The following PAX3 variants were observed in gnomAD, a reference collection of about 807,000 sequenced individuals.
PAX3 encodes the protein paired box 3.
Under a neutral mutation model 51.6 loss-of-function variants are expected in PAX3, and 14 were observed. That is an observed-to-expected ratio of 0.27 (90% CI 0.18 to 0.42). The LOEUF is 0.42. PAX3 is among the 10% of genes least tolerant of loss of function. The pLI, the probability that PAX3 is intolerant of heterozygous loss-of-function variation, is 1.00. For missense variants in PAX3, 540 were observed against 642.8 expected (o/e 0.84, Z 1.73); for synonymous variants, 280 against 253.4 (o/e 1.11, Z -1.00).
At chr2:222,202,404 G>A (rs1207614406) in intron 7 of PAX3, among the ~76,000 whole-genome samples, 2 of 151,974 alleles carry the variant, frequency 1.3e-5, no homozygotes, top group Non-Finnish European at 2.9e-5. Flanking sequence ...AAGGAAAGGG[G>A]GAGGGAGAAG....
chr2:222,245,160 A>G (rs1473206722), intron 4 of PAX3, among the ~76,000 whole-genome samples: 1 of 152,222 alleles, frequency 6.6e-6, no homozygotes, highest in African/African-American at 2.4e-5. Flanking sequence ...AAAGAAAAAG[A>G]AAAGAAATAG....
intron 4 of PAX3, among the ~76,000 whole-genome samples, chr2:222,260,742 C>A (rs533707702): frequency 4.0e-5 from 6 of 151,644 alleles, no homozygotes; most frequent in African/African-American, 9.7e-5. Context: ...AGGTGTGAAC[C>A]CCCATGCCCG....
At chr2:222,247,057 CCTT>C (rs1365930356) in intron 4 of PAX3, among the ~76,000 whole-genome samples, 1 of 152,196 alleles carries the variant, frequency 6.6e-6, no homozygotes, top group East Asian at 1.9e-4. Context: ...ATACATCTCT[CCTT>C]CTATTCTCAC....
chr2:222,264,351 T>C (rs1473182955), intron 4 of PAX3: 2 of 152,114 alleles, frequency 1.3e-5, no homozygotes, highest in Non-Finnish European at 2.9e-5. Context: ...GTTAAATCCA[T>C]AGAGATAAAA....
At chr2:222,286,809 G>A (rs1167673905) in intron 4 of PAX3, among the ~76,000 whole-genome samples, 1 of 152,080 alleles carries the variant, frequency 6.6e-6, no homozygotes, top group Non-Finnish European at 1.5e-5. Flanking sequence ...AAGGAAAGAA[G>A]GAAAAGAAGA....
chr2:222,275,258 T>C (rs1038720903), intron 4 of PAX3, among the ~76,000 whole-genome samples: 2 of 152,202 alleles, frequency 1.3e-5, no homozygotes, highest in Non-Finnish European at 2.9e-5. Flanking sequence ...TTTTATAATG[T>C]TTGGCTTCTA....
chr2:222,290,974 G>C (rs1342506871), intron 4 of PAX3, among the ~76,000 whole-genome samples: 1 of 151,976 alleles, frequency 6.6e-6, no homozygotes, highest in African/African-American at 2.4e-5. Context: ...GTGTCTAGAT[G>C]AAAGTGAGAA....
chr2:222,223,112 G>T (rs1269758816), intron 5 of PAX3, among the ~76,000 whole-genome samples: 1 of 152,154 alleles, frequency 6.6e-6, no homozygotes, highest in African/African-American at 2.4e-5. Context: ...CGGAGGAAAA[G>T]ATTTTTCTGG....
In PAX3 at chr2:222,235,223, A is replaced by C. The variant is rs145853321; in HGVS notation, c.587-2940T>G. On this transcript the variant is annotated intron_variant, in intron 4 of 8. Transcript: ENST00000392070. ...CTGAGGGTCAAGACCATGGTGTTTCACCTTAAAAATCAACATTCCCCAGAA... is the reference window on the plus strand; with the variant it reads ...CTGAGGGTCAAGACCATGGTGTTTCCCCTTAAAAATCAACATTCCCCAGAA... Among the ~76,000 whole-genome samples the C allele has an allele frequency of 3.9e-3, 594 of 152,296 alleles. 1 individual carries two copies. The highest frequency in any genetic ancestry group is 6.5e-3 in the Non-Finnish European group (441 of 68,022).
intron 5 of PAX3, among the ~76,000 whole-genome samples, chr2:222,229,205 G>C (rs529743759): frequency 6.7e-6 from 1 of 150,062 alleles, no homozygotes; most frequent in Admixed American, 6.7e-5. Context: ...TTTTTTCTCT[G>C]CACTGTTATA....
intron 4 of PAX3, among the ~76,000 whole-genome samples, chr2:222,244,805 T>C (rs534522024): frequency 4.7e-5 from 7 of 148,632 alleles, no homozygotes; most frequent in Admixed American, 6.7e-5. Flanking sequence ...AAAACAAAGA[T>C]CAAAGTTACT....
intron 5 of PAX3, among the ~76,000 whole-genome samples, chr2:222,227,730 A>G (rs200729140): frequency 1.1e-5 from 1 of 89,696 alleles, no homozygotes; most frequent in African/African-American, 4.7e-5. Context: ...CATCTTTTTT[A>G]AAAAAAAAAA....
chr2:222,209,558 A>G (rs1199386207), intron 7 of PAX3, among the ~76,000 whole-genome samples: 2 of 151,850 alleles, frequency 1.3e-5, no homozygotes, highest in Non-Finnish European at 2.9e-5. Flanking sequence ...ATAAGCATTC[A>G]TTTAAAATTC....
chr2:222,242,473 T>A (rs1222112688), intron 4 of PAX3: 1 of 152,188 alleles, frequency 6.6e-6, no homozygotes, highest in Non-Finnish European at 1.5e-5. Flanking sequence ...GGAGGGATAC[T>A]GTCATCCCCA....
intron 7 of PAX3, among the ~76,000 whole-genome samples, chr2:222,203,012 C>CTTATATATAT (rs1691360841): frequency 2.4e-5 from 1 of 41,178 alleles, no homozygotes. Context: ...ACAACCATTT[C>CTTATATATAT]ATATATATAT....
rs1695257748 is a variant in PAX3 at position 222,295,676 on chromosome 2, G to T, written c.322-19C>A. The T allele has an allele frequency of 1.2e-6, 2 of 1,613,858 alleles. No homozygotes were observed. The highest frequency in any genetic ancestry group is 1.7e-6 in the Non-Finnish European group (2 of 1,179,992). On this transcript the variant is annotated intron_variant, in intron 2 of 8. Coordinates refer to ENST00000392070, the MANE Select transcript of PAX3 (RefSeq NM_181458.4). ...TCACCTGCTTTAAGAGAACAGGCGG[G>T]CAGGCGTTGGTACCCGGTACCCTGG...
chr2:222,274,070 A>G (rs1445856995), intron 4 of PAX3, among the ~76,000 whole-genome samples: 1 of 152,168 alleles, frequency 6.6e-6, no homozygotes, highest in Non-Finnish European at 1.5e-5. Context: ...AAATATACAG[A>G]ATCCTTAATA....
chr2:222,271,132 A>T (rs940003000), intron 4 of PAX3, among the ~76,000 whole-genome samples: 1 of 152,162 alleles, frequency 6.6e-6, no homozygotes, highest in Non-Finnish European at 1.5e-5. Context: ...ATTGAAAAGG[A>T]CTCCAGCTCA....
At chr2:222,279,467 A>C (rs1397708512) in intron 4 of PAX3, among the ~76,000 whole-genome samples, 3 of 152,214 alleles carry the variant, frequency 2.0e-5, no homozygotes, top group Non-Finnish European at 2.9e-5. Flanking sequence ...TTATGGAAGG[A>C]AAGTGGGGAA....
Sources: allele counts gnomAD v4.1 joint callset (sites outside exome capture counted in the v4.1 genomes callset), GRCh38; gene constraint gnomAD v4.1.1; transcripts MANE v1.5; gene names NCBI Gene and HGNC (gene_info 2026-07-23, HGNC 2026-07-21).